The following EHMT1 variants were observed in gnomAD, a reference collection of about 807,000 sequenced individuals.
The protein encoded by EHMT1 is euchromatic histone lysine methyltransferase 1.
A neutral mutation model predicts 147.2 loss-of-function variants in EHMT1; 15 were observed. That is an observed-to-expected ratio of 0.10 (90% confidence interval 0.07 to 0.16). EHMT1 has a LOEUF of 0.16. Among genes scored for constraint, EHMT1 ranks in the 10% least tolerant of loss-of-function variants. The probability of loss-of-function intolerance (pLI) is 1.00; values close to 1 mark genes in which losing one functional copy is unlikely to be tolerated. For synonymous variants in EHMT1, 795 were observed against 709.6 expected (o/e 1.12, Z -1.91); for missense variants, 1,587 against 1,772.4 (o/e 0.90, Z 1.88).
At chr9:137,777,385 T>A (rs1368982653) in intron 12 of EHMT1, 2 of 193,522 alleles carry the variant, frequency 1.0e-5, no homozygotes, top group Non-Finnish European at 2.1e-5. Flanking sequence ...TTAGCAGCAG[T>A]TCCCTGCCTG....
At chr9:137,700,698 G>A (rs1564605980) in intron 1 of EHMT1, among the ~76,000 whole-genome samples, 2 of 152,272 alleles carry the variant, frequency 1.3e-5, no homozygotes, top group Middle Eastern at 3.4e-3. Context: ...TGATGCTTAG[G>A]TACTGTTCTA....
intron 16 of EHMT1, among the ~76,000 whole-genome samples, chr9:137,797,884 T>C (rs4876899): frequency 0.33 from 50,366 of 152,070 alleles, 8,628 homozygotes; most frequent in Admixed American, 0.43. Context: ...CGGGCCTGTG[T>C]GAGGAGCACA....
At position 137,717,074 on chromosome 9, in the gene EHMT1, C is replaced by T. The variant is rs746456302; in HGVS notation, c.534C>T (p.Thr178=). Residue 178 remains threonine (T), a synonymous_variant, in exon 3 of 27, where the codon ACC becomes ACT. Coordinates refer to ENST00000460843, the MANE Select transcript of EHMT1 (RefSeq NM_024757.5). ...AGACGCCAGCCGCCCCACCAGCCAC[C>T]CTTGGGGAGGGGAGTGCTGACACAG... The part of the protein sequence containing the change: ...FPQTPAAPPA[T]LGEGSADTED... The T allele has an allele frequency of 2.5e-6, 4 of 1,610,770 alleles. No homozygotes were observed. In the South Asian group the frequency reaches 3.3e-5, roughly 13 times the overall value.
chr9:137,664,517 C>T (rs1939425294), intron 1 of EHMT1, among the ~76,000 whole-genome samples: 1 of 152,074 alleles, frequency 6.6e-6, no homozygotes, highest in African/African-American at 2.4e-5. Flanking sequence ...CCTTGGCCTC[C>T]CAAAGTGCTG....
At chr9:137,628,409 A>G (rs1034720275) in intron 1 of EHMT1, among the ~76,000 whole-genome samples, 1 of 152,144 alleles carries the variant, frequency 6.6e-6, no homozygotes, top group Non-Finnish European at 1.5e-5. Context: ...TTCTTTTTTT[A>G]AAATTACTTA....
chr9:137,729,418 C>T (rs1214041702), intron 4 of EHMT1, among the ~76,000 whole-genome samples: 2 of 152,110 alleles, frequency 1.3e-5, no homozygotes, highest in African/African-American at 2.4e-5. Context: ...GAAACCCCGT[C>T]TATACTAAAA....
At chr9:137,799,405 C>T (rs1046965010) in intron 17 of EHMT1, among the ~76,000 whole-genome samples, 9 of 152,192 alleles carry the variant, frequency 5.9e-5, no homozygotes, top group Non-Finnish European at 7.4e-5. Context: ...GCTCATTGTC[C>T]GTCTCTGCCC....
chr9:137,692,873 G>C (rs979582654), intron 1 of EHMT1, among the ~76,000 whole-genome samples: 3 of 152,100 alleles, frequency 2.0e-5, no homozygotes, highest in Non-Finnish European at 4.4e-5. Context: ...CGGCTGAGGA[G>C]GGGTGAACAC....
At chr9:137,623,609 C>T (rs532113110) in intron 1 of EHMT1, among the ~76,000 whole-genome samples, 1 of 151,868 alleles carries the variant, frequency 6.6e-6, no homozygotes, top group African/African-American at 2.4e-5. Flanking sequence ...TTGGTAGAGA[C>T]GGGGTTTCAA....
chr9:137,813,068 A>G lies in EHMT1; in HGVS notation c.2930A>G (p.Gln977Arg), dbSNP rs1298095353. 3.1e-6 allele frequency: 5 copies of G among 1,613,788 alleles called. No homozygotes were observed. Among genetic ancestry groups the G allele is most frequent in the Non-Finnish European group, 4.2e-6 (5 of 1,180,022 alleles). Residue 977 changes from glutamine to arginine, a missense_variant, in exon 20 of 27, where the codon CAG becomes CGG. This residue lies in a region of EHMT1 where 78 missense variants were observed against 68.9 expected (regional missense o/e 1.13). Coordinates refer to ENST00000460843, the MANE Select transcript of EHMT1 (RefSeq NM_024757.5). The surrounding 1 kb of genome is among the most constrained non-coding windows in gnomAD (Gnocchi z 4.9). ...LKNKEGETPL[Q>R]CASLNSQVWS... ...AACAAGGAAGGAGAGACGCCCCTGC[A>G]GTGTGCGAGCCTCAACTCTCAGGTG... is the stretch of plus-strand genomic sequence containing the variant.
chr9:137,663,199 C>T (rs1442534788), intron 1 of EHMT1, among the ~76,000 whole-genome samples: 1 of 152,150 alleles, frequency 6.6e-6, no homozygotes, highest in African/African-American at 2.4e-5. Context: ...TTTGTACCTT[C>T]TTTAGATGGA....
rs1952099378 is a variant in EHMT1 at position 137,787,710 on chromosome 9, C to A, written c.2383-3138C>A. ...GCAGCCCGCCTGGGCCAGGGGCCGC[C>A]AGGTCCCCAGGGTGCCACCGAAACA... On this transcript the variant is annotated intron_variant, in intron 15 of 26. Transcript: ENST00000460843. The surrounding 1 kb of genome is among the most constrained non-coding windows in gnomAD (Gnocchi z 4.2). 7.0e-6 allele frequency: 5 copies of A among 710,200 alleles called. No homozygotes were observed. In the Admixed American group the frequency reaches 8.6e-5, roughly 12 times the overall value. The allele number at this position is 710,200 out of a possible 1,614,324, so 44.0% of individuals were successfully genotyped here. A position where few individuals can be genotyped will look rare whatever the true frequency, so the allele number is the denominator to read the frequency against.
rs554153669 is a variant in EHMT1, at chr9:137,682,845, C to G, written c.22-28122C>G. On this transcript the variant is annotated intron_variant, in intron 1 of 26. Transcript: ENST00000460843. ...GATTTCTGTTACTGGACAGGCAGTGCTGGGCCCCTAGGACGATGGGTCACT... is the reference window on the plus strand; with the variant it reads ...GATTTCTGTTACTGGACAGGCAGTGGTGGGCCCCTAGGACGATGGGTCACT... Among the ~76,000 whole-genome samples, 1,315 of 152,324 alleles carry G rather than the reference C, an allele frequency of 8.6e-3. 9 individuals are homozygous for G. The highest frequency in any genetic ancestry group is 0.015 in the Non-Finnish European group (992 of 68,020).
chr9:137,780,427 G>A (rs1437585132), intron 14 of EHMT1, among the ~76,000 whole-genome samples: 2 of 136,654 alleles, frequency 1.5e-5, no homozygotes, highest in South Asian at 2.6e-4. Context: ...TGGTGATGAC[G>A]CTGAGATGTG....
At chr9:137,794,471 G>A (rs935007893) in intron 16 of EHMT1, among the ~76,000 whole-genome samples, 3 of 151,880 alleles carry the variant, frequency 2.0e-5, no homozygotes, top group African/African-American at 7.3e-5. Flanking sequence ...AGCATAGTGA[G>A]ACCCCATCTC....
chr9:137,682,238 G>A (rs3860889), intron 1 of EHMT1, among the ~76,000 whole-genome samples: 5,546 of 152,132 alleles, frequency 0.036, 145 homozygotes, highest in Non-Finnish European at 0.056. Context: ...GTGAGCCACC[G>A]TGTCCGGCCA....
At position 137,713,263 on chromosome 9, in the gene EHMT1, ATTTTTTT is replaced by A. The variant is rs59459382; in HGVS notation, c.85+2251_85+2257del. Among the ~76,000 whole-genome samples, 299 of 102,352 alleles carry A rather than the reference ATTTTTTT, an allele frequency of 2.9e-3. 3 individuals are homozygous for A. Among genetic ancestry groups the A allele is most frequent in the African/African-American group, 8.5e-3 (262 of 30,722 alleles). 67.1% of individuals were successfully genotyped at this position (102,352 alleles called of 152,430 possible). On this transcript the variant is annotated intron_variant, in intron 2 of 26. Coordinates refer to ENST00000460843, the MANE Select transcript of EHMT1 (RefSeq NM_024757.5). ...AGGTGTGAGCCACCACACCATGCTA[ATTTTTTT>A]TTTTTTTTTTTTTTTTTGAGATGGA... is the stretch of plus-strand genomic sequence containing the variant.
chr9:137,695,018 G>A (rs572774123), intron 1 of EHMT1, among the ~76,000 whole-genome samples: 57 of 152,208 alleles, frequency 3.7e-4, no homozygotes, highest in Non-Finnish European at 3.2e-4. Context: ...CAAGGCACCC[G>A]TTCTGGTCAT....
intron 18 of EHMT1, among the ~76,000 whole-genome samples, chr9:137,809,464 G>T (rs1954229803): frequency 6.6e-6 from 1 of 152,226 alleles, no homozygotes; most frequent in South Asian, 2.1e-4. Context: ...AGCAGAGCCT[G>T]CGGGGTGGAG....
Sources: gnomAD v4.1 joint callset for allele counts (sites outside exome capture counted in the v4.1 genomes callset) on GRCh38, gnomAD v4.1.1 for gene constraint, gnomAD v4.1.1 regional missense constraint, Gnocchi (gnomAD v3.1) non-coding constraint, MANE v1.5 for transcripts, NCBI Gene and HGNC (gene_info 2026-07-23, HGNC 2026-07-21) for gene names.